The following ZNF385D variants were observed in gnomAD, a reference collection of about 807,000 sequenced individuals.
ZNF385D encodes the protein zinc finger protein 659.
Under a neutral mutation model 35.8 loss-of-function variants are expected in ZNF385D, and 15 were observed. The observed-to-expected ratio is 0.42, with a 90% CI of 0.28 to 0.64. ZNF385D has a LOEUF of 0.64. ZNF385D is among the 30% of genes least tolerant of loss of function. The pLI, the probability that ZNF385D is intolerant of heterozygous loss-of-function variation, is 0.23. For missense variants in ZNF385D, 474 were observed against 494.6 expected (o/e 0.96, Z 0.39); for synonymous variants, 212 against 186.8 (o/e 1.13, Z -1.10).
intron 3 of ZNF385D, among the ~76,000 whole-genome samples, chr3:22,061,135 T>G (rs1699666005): frequency 6.6e-6 from 1 of 152,064 alleles, no homozygotes; most frequent in Admixed American, 6.6e-5. Flanking sequence ...TAAATTAAAT[T>G]AAATAGTTGC....
intron 3 of ZNF385D, among the ~76,000 whole-genome samples, chr3:21,924,551 T>G (rs893026584): frequency 1.3e-5 from 2 of 152,190 alleles, no homozygotes; most frequent in Non-Finnish European, 2.9e-5. Context: ...CAAAAGGCTG[T>G]ATATGGATCC....
At chr3:21,603,369 G>A (rs2064375820) in intron 2 of ZNF385D, among the ~76,000 whole-genome samples, 1 of 142,934 alleles carries the variant, frequency 7.0e-6, no homozygotes, top group Non-Finnish European at 1.5e-5. Flanking sequence ...TGTCCCTTCA[G>A]ACCCAGCAAT....
rs1705883775 is a variant in ZNF385D, at chr3:21,496,485, C to CGT, written c.439+14375_439+14376insAC. On this transcript the variant is annotated intron_variant, in intron 4 of 7. Transcript: ENST00000281523. ...TATATCATATATATACATATATACA[C>CGT]ATATATTTGATATATATATCATATA... Among the ~76,000 whole-genome samples the CGT allele has an allele frequency of 2.9e-5, 4 of 139,108 alleles. No individual in the cohort carries two copies. In the South Asian group the frequency reaches 6.6e-4, roughly 23 times the overall value. The allele number at this position is 139,108 out of a possible 152,430, so 91.3% of individuals were successfully genotyped here.
At chr3:21,757,134 T>TTG (rs1553654009) in intron 3 of ZNF385D, among the ~76,000 whole-genome samples, 1 of 128,232 alleles carries the variant, frequency 7.8e-6, no homozygotes, top group African/African-American at 2.9e-5. Flanking sequence ...TTTTTTTTTT[T>TTG]TTTTTGTTTT....
chr3:21,939,886 G>A (rs1036094747), intron 3 of ZNF385D, among the ~76,000 whole-genome samples: 1 of 152,160 alleles, frequency 6.6e-6, no homozygotes, highest in Non-Finnish European at 1.5e-5. Context: ...AGATGGCACT[G>A]AGTAAACTCA....
chr3:21,511,542 C>A, intron 3 of ZNF385D: 1 of 375,456 alleles, frequency 2.7e-6, no homozygotes, highest in Non-Finnish European at 5.2e-6. Context: ...CTTTAGAGTT[C>A]AAAAGCAAAT....
chr3:22,082,279 G>T (rs1576286360), intron 3 of ZNF385D, among the ~76,000 whole-genome samples: 1 of 152,136 alleles, frequency 6.6e-6, no homozygotes, highest in Admixed American at 6.5e-5. Context: ...CAAGGGGTCA[G>T]GGAATTCCCT....
chr3:21,834,345 G>A (rs996060880), intron 3 of ZNF385D, among the ~76,000 whole-genome samples: 3 of 152,158 alleles, frequency 2.0e-5, no homozygotes, highest in Non-Finnish European at 2.9e-5. Context: ...GAATAGACAT[G>A]TGCCACAATT....
exon 2 of ZNF385D, chr3:22,372,621 A>G (rs1464047571): frequency 1.7e-6 from 1 of 586,608 alleles, no homozygotes; most frequent in African/African-American, 2.0e-5. Flanking sequence ...TGCAGCTTCA[A>G]CGGCGGTGGT....
intron 3 of ZNF385D, among the ~76,000 whole-genome samples, chr3:22,047,743 T>C (rs1160092303): frequency 2.0e-5 from 3 of 152,180 alleles, no homozygotes; most frequent in Non-Finnish European, 4.4e-5. Context: ...ACTGATTTTA[T>C]ACTCTTTAGA....
rs75399007 is a variant in ZNF385D at position 22,011,174 on chromosome 3, G to A, written c.325+157643C>T. 2.5e-3 allele frequency among the ~76,000 whole-genome samples: 382 copies of A among 152,010 alleles called. 2 individuals are homozygous for A. The highest frequency in any genetic ancestry group is 8.8e-3 in the African/African-American group (364 of 41,472). ...CAGTAATTTATGAGAAAATTCCACT[G>A]TTTATTGTTTCTAAAATATGTATAC... On this transcript the variant is annotated intron_variant, in intron 3 of 5. Transcript: ENST00000494108.
chr3:22,264,837 T>C (rs1273042584), intron 2 of ZNF385D, among the ~76,000 whole-genome samples: 1 of 148,062 alleles, frequency 6.8e-6, no homozygotes, highest in Admixed American at 6.8e-5. Flanking sequence ...AATGAACATT[T>C]AGATATCTAA....
intron 2 of ZNF385D, among the ~76,000 whole-genome samples, chr3:22,260,605 A>T (rs1257846549): frequency 6.6e-6 from 1 of 152,040 alleles, no homozygotes; most frequent in South Asian, 2.1e-4. Context: ...TAAATTTGAT[A>T]GGTATTTTAG....
chr3:22,312,542 A>C lies in ZNF385D; in HGVS notation c.106+59908T>G, dbSNP rs369633269. Among the ~76,000 whole-genome samples the C allele has an allele frequency of 1.5e-3, 221 of 152,146 alleles. 3 individuals carry two copies. The South Asian group carries it at 0.033, about 22-fold the overall frequency. ...AATATCCAGAATCTACAATGAACTC[A>C]AACAAATTTACAAGAAAAAAACAAA... is the stretch of plus-strand genomic sequence containing the variant. On this transcript the variant is annotated intron_variant, in intron 2 of 5. Coordinates refer to the ZNF385D transcript ENST00000494108.
At chr3:22,261,352 A>T (rs1383201029) in intron 2 of ZNF385D, among the ~76,000 whole-genome samples, 1 of 152,070 alleles carries the variant, frequency 6.6e-6, no homozygotes, top group Non-Finnish European at 1.5e-5. Context: ...ATGGTTTTAC[A>T]ATCTAATGCA....
At chr3:21,808,965 G>C (rs1163654004) in intron 3 of ZNF385D, among the ~76,000 whole-genome samples, 2 of 152,144 alleles carry the variant, frequency 1.3e-5, no homozygotes, top group African/African-American at 4.8e-5. Flanking sequence ...ACCAGGAAGG[G>C]CATGCATTCT....
intron 3 of ZNF385D, among the ~76,000 whole-genome samples, chr3:22,078,533 A>C (rs988758594): frequency 1.3e-5 from 2 of 152,110 alleles, no homozygotes; most frequent in African/African-American, 4.8e-5. Context: ...GGATTTTGCA[A>C]CACTGTATGA....
At chr3:22,292,187 T>C (rs1702333736) in intron 2 of ZNF385D, among the ~76,000 whole-genome samples, 1 of 152,094 alleles carries the variant, frequency 6.6e-6, no homozygotes, top group African/African-American at 2.4e-5. Context: ...TCGTGGGTTA[T>C]CATAAACTTT....
At chr3:22,139,500 C>A (rs887763065) in intron 3 of ZNF385D, among the ~76,000 whole-genome samples, 1 of 151,548 alleles carries the variant, frequency 6.6e-6, no homozygotes, top group Non-Finnish European at 1.5e-5. Flanking sequence ...TCATTCTCAG[C>A]AAACTATTGC....
Sources: gnomAD v4.1 joint callset for allele counts (sites outside exome capture counted in the v4.1 genomes callset) on GRCh38, gnomAD v4.1.1 for gene constraint, MANE v1.5 for transcripts, NCBI Gene and HGNC (gene_info 2026-07-23, HGNC 2026-07-21) for gene names.